Variants in FUNDC1 observed in about 807,000 individuals in gnomAD.
FUNDC1 encodes the protein FUN14 domain containing 1, also known as FUN14 domain-containing protein 1.
Under a neutral mutation model 14.5 loss-of-function variants are expected in FUNDC1, and 10 were observed. The ratio of observed to expected loss-of-function variants is 0.69; its 90% CI spans 0.43 to 1.17. The LOEUF is 1.17. Among genes scored for constraint, FUNDC1 ranks in the 50% most tolerant of loss-of-function variants. The pLI is 0.00. For missense variants in FUNDC1, 115 were observed against 113.8 expected, an observed-to-expected ratio of 1.01 and a Z score of -0.05; for synonymous variants, 33 against 39.7, an observed-to-expected ratio of 0.83 and a Z score of 0.64.
At chrX:44,528,262 A>C (rs961997931) in intron 3 of FUNDC1, among the ~76,000 whole-genome samples, 2 of 112,310 alleles carry the variant, frequency 1.8e-5, no homozygotes, top group Admixed American at 9.5e-5. Context: ...AAATAATAAA[A>C]ATATCTGATT....
chrX:44,535,885 C>T (rs763300758), intron 3 of FUNDC1, among the ~76,000 whole-genome samples: 79 of 105,390 alleles, frequency 7.5e-4, no homozygotes, highest in Middle Eastern at 4.9e-3. Context: ...ACTTCGGAGG[C>T]TGAGGAAAGA....
At chrX:44,531,941 C>T (rs1278069157) in intron 3 of FUNDC1, among the ~76,000 whole-genome samples, 1 of 111,470 alleles carries the variant, frequency 9.0e-6, no homozygotes, top group Non-Finnish European at 1.9e-5. Flanking sequence ...AATAAATATC[C>T]ATGAGTCCAT....
chrX:44,527,473 T>C (rs940487361), intron 3 of FUNDC1, 108 bp from the exon 4 acceptor site: 9 of 547,039 alleles, frequency 1.6e-5, no homozygotes, highest in African/African-American at 4.8e-5. Context: ...ATAAAACTTA[T>C]AGCTAAGAAA....
At chrX:44,526,487 AG>A (rs66536007) in intron 4 of FUNDC1, among the ~76,000 whole-genome samples, 15,060 of 89,656 alleles carry the variant, frequency 0.17, 1,043 homozygotes, top group East Asian at 0.24. Flanking sequence ...AAAATAAAAA[AG>A]GGGGGGGGGC....
At chrX:44,539,793 A>G (rs1227925179) in intron 2 of FUNDC1, among the ~76,000 whole-genome samples, 1 of 110,573 alleles carries the variant, frequency 9.0e-6, no homozygotes, top group Admixed American at 9.7e-5. Context: ...CAGCCTCCTG[A>G]ATAGCTGGGA....
intron 2 of FUNDC1, among the ~76,000 whole-genome samples, chrX:44,539,494 G>A (rs1038904443): frequency 5.4e-5 from 6 of 110,889 alleles, no homozygotes; most frequent in Non-Finnish European, 9.4e-5. Context: ...GGAGTAATAC[G>A]TCTACAAGCC....
intron 2 of FUNDC1, 31 bp from the exon 3 acceptor site, chrX:44,538,573 T>C: frequency 1.9e-6 from 2 of 1,031,549 alleles, no homozygotes; most frequent in African/African-American, 3.7e-5. Context: ...ATGAAAACAA[T>C]CAATTATGTA....
chrX:44,542,730 G>T (rs1169383217), intron 1 of FUNDC1, 75 bp downstream of exon 1: 3 of 1,000,143 alleles, frequency 3.0e-6, no homozygotes, highest in Non-Finnish European at 4.1e-6. Context: ...GCAGGGGAAG[G>T]AAGAGGTGCC....
chrX:44,542,481 T>C (rs2038976262), intron 1 of FUNDC1, among the ~76,000 whole-genome samples: 1 of 110,563 alleles, frequency 9.0e-6, no homozygotes, highest in African/African-American at 3.3e-5. Flanking sequence ...CTGAGAGAAC[T>C]AGTCTGGAGC....
chrX:44,533,169 G>C (rs1476882341), intron 3 of FUNDC1, among the ~76,000 whole-genome samples: 1 of 111,605 alleles, frequency 9.0e-6, no homozygotes, highest in Non-Finnish European at 1.9e-5. Context: ...TTGGTCTATA[G>C]ACATGCAATT....
intron 3 of FUNDC1, among the ~76,000 whole-genome samples, chrX:44,537,217 A>G (rs1344153791): frequency 8.9e-6 from 1 of 112,069 alleles, no homozygotes; most frequent in Non-Finnish European, 1.9e-5. Context: ...GTGCATATTG[A>G]GTGAACTGAA....
chrX:44,535,651 C>A (rs1234713622), intron 3 of FUNDC1, among the ~76,000 whole-genome samples: 35 of 70,894 alleles, frequency 4.9e-4, no homozygotes, highest in East Asian at 4.5e-4. Flanking sequence ...GCCTGGGTGA[C>A]AGAGCAAGAC....
intron 2 of FUNDC1, 121 bp from the exon 3 acceptor site, chrX:44,538,663 T>G: frequency 1.9e-6 from 1 of 513,304 alleles, no homozygotes; most frequent in Non-Finnish European, 3.2e-6. Context: ...ATCACATCCC[T>G]TACCTGCTCA....
chrX:44,527,870 T>TA (rs1401701550), intron 3 of FUNDC1, among the ~76,000 whole-genome samples: 4 of 112,238 alleles, frequency 3.6e-5, no homozygotes, highest in Non-Finnish European at 5.6e-5. Flanking sequence ...AGTAGCCTGG[T>TA]AAGTATTTAA....
Position 44,536,306 on chromosome X carries a change from G to A in FUNDC1, c.261+2161C>T, listed in dbSNP as rs184809810. On this transcript the variant is annotated intron_variant, in intron 3 of 4. Coordinates refer to ENST00000378045, the MANE Select transcript of FUNDC1 (RefSeq NM_173794.4). Reference sequence around the variant, plus strand: ...TGCACTCTAGCCTGGGCGACAGAGCGAGACTCTGTCTCGAAAAAAAAAAAA... The same window carrying A: ...TGCACTCTAGCCTGGGCGACAGAGCAAGACTCTGTCTCGAAAAAAAAAAAA... 1.1e-3 allele frequency among the ~76,000 whole-genome samples: 103 copies of A among 97,331 alleles called. 1 individual carries two copies. In the East Asian group the frequency reaches 0.031, roughly 29 times the overall value. The allele number at this position is 97,331 out of a possible 115,157, so 84.5% of individuals were successfully genotyped here.
chrX:44,527,457 T>C, intron 3 of FUNDC1, 92 bp from the exon 4 acceptor site: 3 of 661,519 alleles, frequency 4.5e-6, no homozygotes, highest in Non-Finnish European at 6.4e-6. Context: ...AGAGTTCTAG[T>C]AACCTATAAA....
At chrX:44,539,439 C>A (rs2147477032) in intron 2 of FUNDC1, among the ~76,000 whole-genome samples, 1 of 111,347 alleles carries the variant, frequency 9.0e-6, no homozygotes, top group South Asian at 3.8e-4. Context: ...GATAAGGACG[C>A]ACACAGAGGG....
At chrX:44,536,439 T>G (rs925142887) in intron 3 of FUNDC1, among the ~76,000 whole-genome samples, 1 of 109,962 alleles carries the variant, frequency 9.1e-6, no homozygotes, top group African/African-American at 3.3e-5. Flanking sequence ...AAGTAATCAA[T>G]CTCAGTGAAC....
chrX:44,542,748 C>T, intron 1 of FUNDC1, 57 bp downstream of exon 1: 2 of 1,104,576 alleles, frequency 1.8e-6, no homozygotes, highest in Non-Finnish European at 1.2e-6. Flanking sequence ...GCCATAGGAG[C>T]AAGGTCGAGA....
Sources: gnomAD v4.1 joint callset for allele counts (sites outside exome capture counted in the v4.1 genomes callset) on GRCh38, gnomAD v4.1.1 for gene constraint, MANE v1.5 for transcripts, NCBI Gene and HGNC (gene_info 2026-07-23, HGNC 2026-07-21) for gene names.